EDARADD: variants seen among roughly 807,000 people sequenced by gnomAD.
EDARADD encodes ectodysplasin-A receptor-associated adapter protein.
EDARADD carries 20 observed loss-of-function variants against 25.6 expected under a neutral mutation model. The ratio of observed to expected loss-of-function variants is 0.78; its 90% CI spans 0.55 to 1.14. EDARADD has a LOEUF of 1.14. Ranked by LOEUF, EDARADD falls within the 50% of genes most tolerant of loss-of-function variation. The pLI is 0.00. For missense variants in EDARADD, 225 were observed against 270.1 expected (o/e 0.83, Z 1.17); for synonymous variants, 86 against 94.4 (o/e 0.91, Z 0.52).
intron 3 of EDARADD, among the ~76,000 whole-genome samples, chr1:236,416,902 A>G (rs1303635074): frequency 2.0e-5 from 3 of 152,160 alleles, no homozygotes; most frequent in Admixed American, 1.3e-4. Context: ...ACTTGACTCC[A>G]GGAGTTCAAG....
chr1:236,395,447 G>T lies in EDARADD; in HGVS notation c.61+942G>T. 6.8e-7 allele frequency: 1 copy of T among 1,475,172 alleles called. No individual in the cohort carries two copies. Among genetic ancestry groups the T allele is most frequent in the Non-Finnish European group, 9.0e-7 (1 of 1,115,250 alleles). The allele number at this position is 1,475,172 out of a possible 1,614,324, so 91.4% of individuals were successfully genotyped here. A position where few individuals can be genotyped will look rare whatever the true frequency, so the allele number is the denominator to read the frequency against. On this transcript the variant is annotated intron_variant, in intron 1 of 5. Transcript: ENST00000334232. This position sits in a 1 kb window ranked among gnomAD's most constrained non-coding sequence, Gnocchi z 6.9. ...CAAAGCAGGAAGTGAGCTCGTGGAA[G>T]AAGCGAAGGAGGAGAAGAAGAAGGG... is the stretch of plus-strand genomic sequence containing the variant.
At chr1:236,453,009 C>G (rs1203838427) in intron 4 of EDARADD, among the ~76,000 whole-genome samples, 3 of 152,218 alleles carry the variant, frequency 2.0e-5, no homozygotes, top group Non-Finnish European at 4.4e-5. Flanking sequence ...TTGCCCCCCA[C>G]TCCCACATAA....
intron 4 of EDARADD, among the ~76,000 whole-genome samples, chr1:236,449,395 G>T (rs142259382): frequency 2.6e-5 from 4 of 152,222 alleles, no homozygotes; most frequent in Admixed American, 6.5e-5. Flanking sequence ...TGCAGAATTT[G>T]TCTCGAAATC....
intron 1 of EDARADD, among the ~76,000 whole-genome samples, chr1:236,407,667 T>C (rs1667761714): frequency 6.6e-6 from 1 of 152,186 alleles, no homozygotes; most frequent in Non-Finnish European, 1.5e-5. Context: ...GACCCACGAC[T>C]GCCACTTAGG....
intron 5 of EDARADD, among the ~76,000 whole-genome samples, chr1:236,476,804 C>T (rs969668793): frequency 5.3e-5 from 8 of 151,984 alleles, no homozygotes; most frequent in Non-Finnish European, 1.2e-4. Flanking sequence ...GGATTACAGG[C>T]GTGAGCCACC....
chr1:236,466,545 T>C (rs1239540844), intron 4 of EDARADD, among the ~76,000 whole-genome samples: 2 of 152,242 alleles, frequency 1.3e-5, no homozygotes, highest in East Asian at 1.9e-4. Context: ...TGAATTATGG[T>C]AAGCAGGTTG....
chr1:236,410,947 C>T (rs1380998134), intron 2 of EDARADD, among the ~76,000 whole-genome samples: 2 of 152,128 alleles, frequency 1.3e-5, no homozygotes, highest in Non-Finnish European at 2.9e-5. Context: ...CGAAGAACAA[C>T]CCTGTGGCCA....
At chr1:236,377,625 C>T (rs145388932) in intron 3 of EDARADD, among the ~76,000 whole-genome samples, 5 of 151,010 alleles carry the variant, frequency 3.3e-5, no homozygotes, top group Admixed American at 6.6e-5. Context: ...TTTGGGAGGC[C>T]GAGGTGGGCA....
intron 4 of EDARADD, among the ~76,000 whole-genome samples, chr1:236,457,375 C>T (rs1486380639): frequency 2.0e-5 from 3 of 151,854 alleles, no homozygotes; most frequent in African/African-American, 7.3e-5. Flanking sequence ...AATACCTGGG[C>T]ATTGTGGTGC....
At chr1:236,408,984 TG>T (rs1298172134) in intron 1 of EDARADD, among the ~76,000 whole-genome samples, 1 of 151,326 alleles carries the variant, frequency 6.6e-6, no homozygotes, top group Non-Finnish European at 1.5e-5. Context: ...CTCGAACTCC[TG>T]ACCTCAAGTG....
At chr1:236,465,187 C>T (rs993131293) in intron 4 of EDARADD, among the ~76,000 whole-genome samples, 1 of 152,148 alleles carries the variant, frequency 6.6e-6, no homozygotes, top group African/African-American at 2.4e-5. Context: ...TGTCCATCAC[C>T]TCCACATGTC....
chr1:236,368,055 G>A (rs1667130598), intron 3 of EDARADD, among the ~76,000 whole-genome samples: 1 of 152,140 alleles, frequency 6.6e-6, no homozygotes, highest in African/African-American at 2.4e-5. Context: ...ACCAGCCTGG[G>A]CAACATAGTG....
intron 4 of EDARADD, among the ~76,000 whole-genome samples, chr1:236,433,164 G>C (rs893507857): frequency 1.2e-5 from 1 of 86,312 alleles, no homozygotes; most frequent in African/African-American, 2.7e-5. Flanking sequence ...TTAGATTCTA[G>C]ATCAATGAAA....
intron 3 of EDARADD, among the ~76,000 whole-genome samples, chr1:236,359,614 G>C (rs1416334808): frequency 6.6e-6 from 1 of 152,194 alleles, no homozygotes; most frequent in African/African-American, 2.4e-5. Flanking sequence ...CCAGTGGCTG[G>C]GGAAGCCTCA....
At chr1:236,435,653 G>C (rs1658230269) in intron 4 of EDARADD, among the ~76,000 whole-genome samples, 1 of 152,152 alleles carries the variant, frequency 6.6e-6, no homozygotes, top group Non-Finnish European at 1.5e-5. Flanking sequence ...CATTAAGGTA[G>C]CAAAGAAAAA....
Position 236,484,454 on chromosome 1 carries a change from C to T in EDARADD, c.*1805C>T, listed in dbSNP as rs1659773627. The stretch of plus-strand genomic sequence containing the variant: ...AGTTTGCCGGCAGGAACTTCAGAAA[C>T]CCCCCAGCCAAGTAAGCTGTGGGCA... On this transcript the variant is annotated 3_prime_UTR_variant, in exon 6 of 6. Transcript: ENST00000334232. The surrounding 1 kb of genome is among the most constrained non-coding windows in gnomAD (Gnocchi z 4.1). 6.8e-6 allele frequency: 11 copies of T among 1,607,406 alleles called. No individual in the cohort carries two copies. The highest frequency in any genetic ancestry group is 3.3e-5 in the Admixed American group (2 of 59,906).
In EDARADD at chr1:236,398,278, C is replaced by T. The variant is rs1667555793; in HGVS notation, c.61+3773C>T. 6.6e-6 allele frequency among the ~76,000 whole-genome samples: 1 copy of T among 152,198 alleles called. No individual in the cohort carries two copies. Among genetic ancestry groups the T allele is most frequent in the Admixed American group, 6.5e-5 (1 of 15,278 alleles). On this transcript the variant is annotated intron_variant, in intron 1 of 5. Coordinates refer to ENST00000334232, the MANE Select transcript of EDARADD (RefSeq NM_145861.4). The surrounding 1 kb of genome is among the most constrained non-coding windows in gnomAD (Gnocchi z 4.1). ...TAACTGGTATTACAGGTGCACACTACCACACCTGGCTAATTTTTTGTATTT... is the reference window on the plus strand; with the variant it reads ...TAACTGGTATTACAGGTGCACACTATCACACCTGGCTAATTTTTTGTATTT...
chr1:236,446,958 TAAAC>T (rs1488264929), intron 4 of EDARADD, among the ~76,000 whole-genome samples: 1 of 152,120 alleles, frequency 6.6e-6, no homozygotes, highest in Non-Finnish European at 1.5e-5. Context: ...GATGTGGTGG[TAAAC>T]AAAAGACAAG....
At chr1:236,423,422 C>T (rs922856713) in intron 3 of EDARADD, among the ~76,000 whole-genome samples, 8 of 152,042 alleles carry the variant, frequency 5.3e-5, no homozygotes, top group Non-Finnish European at 7.4e-5. Flanking sequence ...CATCTCTTTC[C>T]GTGAGCATTG....
Sources: allele counts gnomAD v4.1 joint callset (sites outside exome capture counted in the v4.1 genomes callset), GRCh38; gene constraint gnomAD v4.1.1; non-coding constraint Gnocchi (gnomAD v3.1); transcripts MANE v1.5; gene names NCBI Gene and HGNC (gene_info 2026-07-23, HGNC 2026-07-21).